The following SGK3 variants were observed in gnomAD, a reference collection of about 807,000 sequenced individuals.
SGK3 encodes serine/threonine-protein kinase Sgk3.
Under a neutral mutation model 68.5 loss-of-function variants are expected in SGK3, and 47 were observed. That is an observed-to-expected ratio of 0.69 (90% confidence interval 0.54 to 0.87). The LOEUF (loss-of-function observed/expected upper bound fraction) is 0.87, where lower values mean the gene tolerates loss of function less well. Among genes scored for constraint, SGK3 ranks in the 40% least tolerant of loss-of-function variants. SGK3 has a pLI of 0.00. For synonymous variants in SGK3, 181 were observed against 189.1 expected, an observed-to-expected ratio of 0.96 and a Z score of 0.35; for missense variants, 479 against 575.5, an observed-to-expected ratio of 0.83 and a Z score of 1.72.
chr8:66,844,816 A>G (rs908712104), intron 14 of SGK3, among the ~76,000 whole-genome samples: 1 of 152,222 alleles, frequency 6.6e-6, no homozygotes, highest in Non-Finnish European at 1.5e-5. Flanking sequence ...CTAGTTTCGA[A>G]TGATAGATTC....
In SGK3 at chr8:66,828,752, T is replaced by C. The variant is rs918985451; in HGVS notation, c.467+49T>C. ...ATTTTTTAACTGAATTTTAGGAAGA[T>C]CTTTTTTGAGCGTATGCAGATATGT... On this transcript the variant is annotated intron_variant, in intron 7 of 16. Transcript: ENST00000521198. 7 of 1,602,682 alleles carry C rather than the reference T, an allele frequency of 4.4e-6. No individual in the cohort carries two copies. In the African/African-American group the frequency reaches 6.7e-5, roughly 15 times the overall value.
intron 1 of SGK3, chr8:66,778,206 T>G (rs1806795407): frequency 6.6e-6 from 1 of 152,264 alleles, no homozygotes; most frequent in Non-Finnish European, 1.5e-5. Flanking sequence ...TCTTCAGTGC[T>G]TCATGTCCTG....
chr8:66,766,492 C>G (rs893185124), intron 1 of SGK3, among the ~76,000 whole-genome samples: 10 of 152,106 alleles, frequency 6.6e-5, no homozygotes, highest in Admixed American at 3.9e-4. Flanking sequence ...AACTGCATTT[C>G]AGCCTGGGCG....
chr8:66,760,536 A>G (rs189176227), intron 1 of SGK3, among the ~76,000 whole-genome samples: 3,402 of 151,586 alleles, frequency 0.022, 75 homozygotes, highest in South Asian at 0.054. Flanking sequence ...GGGTTTCACC[A>G]TGTTAGCCAG....
intron 8 of SGK3, among the ~76,000 whole-genome samples, chr8:66,835,468 G>A (rs1318378492): frequency 3.3e-5 from 5 of 152,124 alleles, no homozygotes. Context: ...TCTCCTGGAA[G>A]TACAGGAGAC....
chr8:66,732,583 G>A (rs1805193113), intron 1 of SGK3, among the ~76,000 whole-genome samples: 1 of 152,192 alleles, frequency 6.6e-6, no homozygotes, highest in South Asian at 2.1e-4. Flanking sequence ...GGTGGCTCAT[G>A]CCTGTGTTCC....
chr8:66,850,061 C>T (rs983140518), intron 15 of SGK3, among the ~76,000 whole-genome samples: 5 of 152,106 alleles, frequency 3.3e-5, no homozygotes, highest in Non-Finnish European at 2.9e-5. Context: ...TCTTGAGCTT[C>T]ACCTTATGTG....
intron 2 of SGK3, among the ~76,000 whole-genome samples, chr8:66,797,752 G>C (rs150891652): frequency 5.9e-5 from 9 of 152,244 alleles, no homozygotes; most frequent in Non-Finnish European, 1.3e-4. Flanking sequence ...AAAATACTTT[G>C]TAAGTTCCAG....
chr8:66,797,826 T>G (rs1178909714), intron 2 of SGK3, among the ~76,000 whole-genome samples: 1 of 152,166 alleles, frequency 6.6e-6, no homozygotes, highest in East Asian at 1.9e-4. Flanking sequence ...CGTATTTTAT[T>G]CTTTGGCAAA....
At chr8:66,817,660 TA>T (rs1808649990) in intron 5 of SGK3, among the ~76,000 whole-genome samples, 5 of 152,126 alleles carry the variant, frequency 3.3e-5, no homozygotes, top group African/African-American at 1.2e-4. Context: ...CCAAAAAAGC[TA>T]ATTTTTAAGA....
In SGK3 at chr8:66,836,021, T is replaced by C; in HGVS notation, c.688T>C (p.Phe230Leu). 1 of 1,613,808 alleles carries C rather than the reference T, an allele frequency of 6.2e-7. No individual in the cohort carries two copies. The highest frequency in any genetic ancestry group is 2.2e-5 in the East Asian group (1 of 44,782). The change falls in exon 10 of 17, where the codon TTC (phenylalanine) becomes CTC (leucine). Residue 230 changes from phenylalanine (F) to leucine (L), a missense_variant. Phe to Leu is a conservative substitution (Grantham distance 22). This residue lies in a region of SGK3 where 298 missense variants were observed against 329.4 expected (regional missense o/e 0.90). Coordinates refer to ENST00000521198, the MANE Select transcript of SGK3 (RefSeq NM_001033578.3). ...GTTTTTGGTTGGATTGCATTATTCCTTCCAAACAACTGAAAAGCTTTATTT... is the reference window on the plus strand; with the variant it reads ...GTTTTTGGTTGGATTGCATTATTCCCTCCAAACAACTGAAAAGCTTTATTT... ...HPFLVGLHYS[F>L]QTTEKLYFVL...
chr8:66,854,619 T>A (rs910579258), intron 16 of SGK3, among the ~76,000 whole-genome samples: 1 of 152,030 alleles, frequency 6.6e-6, no homozygotes, highest in Non-Finnish European at 1.5e-5. Context: ...TTAAAATTAG[T>A]TAAGTGTTAA....
chr8:66,735,446 C>T (rs1805291057), intron 1 of SGK3, among the ~76,000 whole-genome samples: 1 of 152,182 alleles, frequency 6.6e-6, no homozygotes, highest in African/African-American at 2.4e-5. Context: ...AGTCTCTTCT[C>T]ATGCGCTTTT....
At chr8:66,854,392 C>T (rs1332349772) in intron 16 of SGK3, among the ~76,000 whole-genome samples, 1 of 152,088 alleles carries the variant, frequency 6.6e-6, no homozygotes, top group Admixed American at 6.5e-5. Context: ...AAAATAATCC[C>T]TAAATTAAAA....
rs143481044 is a variant in SGK3 at position 66,810,883 on chromosome 8, A to G, written c.254-2970A>G. Among the ~76,000 whole-genome samples, 458 of 152,234 alleles carry G rather than the reference A, an allele frequency of 3.0e-3. 6 individuals are homozygous for G. The highest frequency in any genetic ancestry group is 9.5e-3 in the African/African-American group (396 of 41,520). On this transcript the variant is annotated intron_variant, in intron 4 of 16. Transcript: ENST00000521198. Reference sequence around the variant, plus strand: ...GTCTACTTTATTCTAGTGTTTGCCAATCTCTATAAGATACATCTTACATAC... The same window carrying G: ...GTCTACTTTATTCTAGTGTTTGCCAGTCTCTATAAGATACATCTTACATAC...
At chr8:66,810,025 A>G (rs1005577217) in intron 4 of SGK3, among the ~76,000 whole-genome samples, 34 of 152,194 alleles carry the variant, frequency 2.2e-4, no homozygotes, top group African/African-American at 8.0e-4. Flanking sequence ...ACATGCCATT[A>G]CATCCACCAT....
chr8:66,842,314 A>G lies in SGK3; in HGVS notation c.979-1138A>G, dbSNP rs555567643. Among the ~76,000 whole-genome samples, 360 of 146,170 alleles carry G rather than the reference A, an allele frequency of 2.5e-3. 1 individual carries two copies. Among genetic ancestry groups the G allele is most frequent in the African/African-American group, 8.8e-3 (345 of 39,190 alleles). The stretch of plus-strand genomic sequence containing the variant: ...CAGCTCACTGCAAGCTCCGCCTCCC[A>G]GGTTCACGCCATTCTCCTGCCTCAG... On this transcript the variant is annotated intron_variant, in intron 13 of 16. Coordinates refer to ENST00000521198, the MANE Select transcript of SGK3 (RefSeq NM_001033578.3).
intron 16 of SGK3, among the ~76,000 whole-genome samples, 183 bp downstream of exon 16, chr8:66,851,103 A>G (rs1204641982): frequency 1.3e-5 from 2 of 152,196 alleles, no homozygotes; most frequent in Non-Finnish European, 2.9e-5. Flanking sequence ...GTAAGATTAT[A>G]GTTAGATTAG....
intron 5 of SGK3, among the ~76,000 whole-genome samples, chr8:66,816,569 C>G (rs1808593746): frequency 6.6e-6 from 1 of 152,078 alleles, no homozygotes; most frequent in African/African-American, 2.4e-5. Flanking sequence ...TGGTCTCAAT[C>G]TCCTGACTTC....
Sources: gnomAD v4.1 joint callset for allele counts (sites outside exome capture counted in the v4.1 genomes callset) on GRCh38, gnomAD v4.1.1 for gene constraint, gnomAD v4.1.1 regional missense constraint, MANE v1.5 for transcripts, NCBI Gene and HGNC (gene_info 2026-07-23, HGNC 2026-07-21) for gene names.